TSPEAR: variants seen among roughly 807,000 people sequenced by gnomAD.
TSPEAR encodes thrombospondin type laminin G domain and EAR repeats.
A neutral mutation model predicts 71.6 loss-of-function variants in TSPEAR; 69 were observed. That is an observed-to-expected ratio of 0.96 (90% CI 0.79 to 1.18). The LOEUF is 1.18. Ranked by LOEUF, TSPEAR falls within the 50% of genes most tolerant of loss-of-function variation. The probability of loss-of-function intolerance (pLI) is 0.00; values close to 1 mark genes in which losing one functional copy is unlikely to be tolerated. For synonymous variants in TSPEAR, 402 were observed against 387.2 expected, an observed-to-expected ratio of 1.04 and a Z score of -0.45; for missense variants, 971 against 894.9, an observed-to-expected ratio of 1.09 and a Z score of -1.09.
chr21:44,599,171 T>TCTCTCTCTCTCTCTCTCTCC (rs1569210763), intron 1 of TSPEAR, among the ~76,000 whole-genome samples: 3 of 125,144 alleles, frequency 2.4e-5, no homozygotes, highest in East Asian at 5.3e-4. Context: ...TCTCTCTCTC[T>TCTCTCTCTCTCTCTCTCTCC]CCTTCCATCC....
intron 1 of TSPEAR, chr21:44,591,446 G>A: frequency 6.2e-7 from 1 of 1,613,984 alleles, no homozygotes; most frequent in Non-Finnish European, 8.5e-7. Context: ...GAGCACATGG[G>A]GCGGCAGAGG....
intron 1 of TSPEAR, among the ~76,000 whole-genome samples, chr21:44,618,284 G>A (rs1173362725): frequency 2.6e-5 from 4 of 152,204 alleles, no homozygotes; most frequent in African/African-American, 4.8e-5. Context: ...ACCATGTGAA[G>A]AAGGTCCTTG....
intron 1 of TSPEAR, among the ~76,000 whole-genome samples, chr21:44,646,151 AAAAG>A (rs1555939603): frequency 1.4e-5 from 2 of 145,270 alleles, no homozygotes; most frequent in East Asian, 2.0e-4. Flanking sequence ...AAAAAAAAAA[AAAAG>A]GAAATATTTT....
chr21:44,665,632 G>T (rs1430283605), intron 1 of TSPEAR, among the ~76,000 whole-genome samples: 1 of 152,162 alleles, frequency 6.6e-6, no homozygotes, highest in African/African-American at 2.4e-5. Flanking sequence ...CCCAACAGTG[G>T]CTGCCCCAAG....
chr21:44,558,423 G>A (rs371662744), intron 2 of TSPEAR: 91 of 1,613,902 alleles, frequency 5.6e-5, no homozygotes, highest in Non-Finnish European at 7.4e-5. Context: ...CACGCAGCAG[G>A]CCTGCTGGCA....
chr21:44,599,223 C>T (rs1980607448), intron 1 of TSPEAR, among the ~76,000 whole-genome samples: 1 of 146,672 alleles, frequency 6.8e-6, no homozygotes, highest in African/African-American at 2.5e-5. Flanking sequence ...CCAGGCCATG[C>T]TCAAATTTAT....
chr21:44,534,148 T>C (rs1398023033), intron 2 of TSPEAR, among the ~76,000 whole-genome samples: 1 of 87,056 alleles, frequency 1.1e-5, no homozygotes, highest in Admixed American at 1.3e-4. Context: ...GCGCTAGGGC[T>C]GGTGCCAGGG....
intron 9 of TSPEAR, chr21:44,515,473 GCTCTT>G (rs1555913273): frequency 6.6e-6 from 1 of 152,336 alleles, no homozygotes; most frequent in African/African-American, 2.4e-5. Flanking sequence ...TCTAGCCCCT[GCTCTT>G]CTCTGATGTT....
At chr21:44,667,704 G>T (rs1188382150) in intron 1 of TSPEAR, among the ~76,000 whole-genome samples, 1 of 152,212 alleles carries the variant, frequency 6.6e-6, no homozygotes, top group Non-Finnish European at 1.5e-5. Flanking sequence ...ATGTTCAGCA[G>T]AAAGCCATGT....
chr21:44,582,608 C>T (rs976389197), intron 1 of TSPEAR, among the ~76,000 whole-genome samples: 1 of 152,170 alleles, frequency 6.6e-6, no homozygotes, highest in Non-Finnish European at 1.5e-5. Context: ...TCTGGACCAC[C>T]CATCACTGTC....
intron 1 of TSPEAR, among the ~76,000 whole-genome samples, chr21:44,673,321 C>A (rs1986149108): frequency 6.6e-6 from 1 of 152,142 alleles, no homozygotes; most frequent in African/African-American, 2.4e-5. Flanking sequence ...CATAAATAAA[C>A]AGAAATAAAA....
At chr21:44,683,409 T>C (rs1370045048) in intron 1 of TSPEAR, among the ~76,000 whole-genome samples, 3 of 152,218 alleles carry the variant, frequency 2.0e-5, no homozygotes, top group Non-Finnish European at 1.5e-5. Flanking sequence ...TTTATGCCTG[T>C]AATCCCAGCA....
At chr21:44,562,867 C>T (rs587714417) in intron 2 of TSPEAR, among the ~76,000 whole-genome samples, 6 of 152,252 alleles carry the variant, frequency 3.9e-5, no homozygotes, top group African/African-American at 7.2e-5. Context: ...GTCATACTAG[C>T]GTTCCGCAGA....
intron 9 of TSPEAR, among the ~76,000 whole-genome samples, chr21:44,510,229 C>T (rs2052330220): frequency 6.6e-6 from 1 of 152,150 alleles, no homozygotes; most frequent in African/African-American, 2.4e-5. Context: ...AGGCTGCTTC[C>T]CTGGGGACAG....
chr21:44,618,173 G>A (rs1225609774), intron 1 of TSPEAR, among the ~76,000 whole-genome samples: 2 of 152,198 alleles, frequency 1.3e-5, no homozygotes, highest in African/African-American at 4.8e-5. Context: ...GGATCATGGA[G>A]TTGGTTTCCC....
chr21:44,613,359 G>T (rs1205577413), intron 1 of TSPEAR, among the ~76,000 whole-genome samples: 1 of 152,156 alleles, frequency 6.6e-6, no homozygotes, highest in Admixed American at 6.5e-5. Flanking sequence ...TGGGACTCAC[G>T]GTCACTCCCA....
chr21:44,646,476 G>A (rs1555939735), intron 1 of TSPEAR: 1 of 1,612,594 alleles, frequency 6.2e-7, no homozygotes, highest in Admixed American at 1.7e-5. Flanking sequence ...CGTCCACCAT[G>A]TCTGTCTGCT....
At chr21:44,708,181 C>G (rs1293080637) in intron 1 of TSPEAR, among the ~76,000 whole-genome samples, 2 of 152,144 alleles carry the variant, frequency 1.3e-5, no homozygotes, top group Non-Finnish European at 2.9e-5. Context: ...TCAGATCCCT[C>G]CCCCAGCCCC....
chr21:44,503,419 G>A (rs2052095558), intron 11 of TSPEAR, among the ~76,000 whole-genome samples: 1 of 131,518 alleles, frequency 7.6e-6, no homozygotes, highest in Admixed American at 7.4e-5. Flanking sequence ...GGCCGGAGTT[G>A]GTGAGCCCTC....
Sources: allele counts gnomAD v4.1 joint callset (sites outside exome capture counted in the v4.1 genomes callset), GRCh38; gene constraint gnomAD v4.1.1; transcripts MANE v1.5; gene names NCBI Gene and HGNC (gene_info 2026-07-23, HGNC 2026-07-21).